GARNL3: variants seen among roughly 807,000 people sequenced by gnomAD.
GARNL3 encodes GTPase-activating Rap/Ran-GAP domain-like protein 3.
A neutral mutation model predicts 125.0 loss-of-function variants in GARNL3; 63 were observed. The observed-to-expected ratio is 0.50, with a 90% CI of 0.41 to 0.62. The LOEUF (loss-of-function observed/expected upper bound fraction) is 0.62. Ranked by LOEUF, GARNL3 falls within the 20% of genes least tolerant of loss-of-function variation. The pLI is 0.00. For synonymous variants in GARNL3, 439 were observed against 457.5 expected, an observed-to-expected ratio of 0.96 and a Z score of 0.52; for missense variants, 994 against 1,244.0, an observed-to-expected ratio of 0.80 and a Z score of 3.02.
rs535502413 is a variant in GARNL3, at chr9:127,364,784, A to G, written c.2095-516A>G. 3 of 153,578 alleles carry G rather than the reference A, an allele frequency of 2.0e-5. No homozygotes were observed. Among genetic ancestry groups the G allele is most frequent in the African/African-American group, 7.2e-5 (3 of 41,594 alleles). The allele number at this position is 153,578 out of a possible 1,614,324, so 9.5% of individuals were successfully genotyped here. On this transcript the variant is annotated intron_variant, in intron 21 of 27. Transcript: ENST00000373387. This position sits in a 1 kb window ranked among gnomAD's most constrained non-coding sequence, Gnocchi z 4.2. ...AAGGATGCCTCGCTGGAGGTACGAG[A>G]GCGGTAAGGTTGAAAGAGAACCAGA...
intron 7 of GARNL3, among the ~76,000 whole-genome samples, chr9:127,331,097 T>C (rs1298860802): frequency 6.6e-6 from 1 of 151,990 alleles, no homozygotes; most frequent in African/African-American, 2.4e-5. Context: ...ACCAACCTTG[T>C]AGAGGTCGAT....
At chr9:127,325,306 C>G (rs1358258486) in intron 7 of GARNL3, among the ~76,000 whole-genome samples, 2 of 152,118 alleles carry the variant, frequency 1.3e-5, no homozygotes, top group Non-Finnish European at 2.9e-5. Flanking sequence ...GCTATGAAAA[C>G]AATCAAACTA....
intron 24 of GARNL3, 191 bp from the exon 25 acceptor site, chr9:127,387,002 G>T: frequency 2.0e-6 from 1 of 507,506 alleles, no homozygotes. Flanking sequence ...GAATACTCAG[G>T]AAAAGTGTAA....
chr9:127,257,645 G>T (rs1385159788), intron 2 of GARNL3, among the ~76,000 whole-genome samples: 1 of 152,184 alleles, frequency 6.6e-6, no homozygotes, highest in Non-Finnish European at 1.5e-5. Context: ...GAAAAGAGAA[G>T]TAGAATGAGA....
At chr9:127,283,964 A>G (rs868686841) in intron 1 of GARNL3, among the ~76,000 whole-genome samples, 1 of 152,248 alleles carries the variant, frequency 6.6e-6, no homozygotes, top group African/African-American at 2.4e-5. Context: ...TTACACATAC[A>G]TGTTAATACC....
chr9:127,322,930 C>T (rs2065447046), intron 6 of GARNL3, among the ~76,000 whole-genome samples: 1 of 152,186 alleles, frequency 6.6e-6, no homozygotes, highest in African/African-American at 2.4e-5. Flanking sequence ...CTGTGTGTTT[C>T]TTCCCACTCC....
intron 5 of GARNL3, among the ~76,000 whole-genome samples, chr9:127,319,570 C>T (rs553034915): frequency 6.6e-6 from 1 of 152,222 alleles, no homozygotes; most frequent in East Asian, 1.9e-4. Context: ...AGATTGCAGA[C>T]CTTTTCCTGT....
Position 127,349,054 on chromosome 9 carries a change from C to G in GARNL3, c.1543+19C>G. ...GTGGATGGTTAGTGAGTAGCTGCTC[C>G]TACAAATGTCTTTTTCATGTAACTT... On this transcript the variant is annotated intron_variant, in intron 17 of 27. Coordinates refer to ENST00000373387, the MANE Select transcript of GARNL3 (RefSeq NM_032293.5). 2 of 1,517,216 alleles carry G rather than the reference C, an allele frequency of 1.3e-6. No homozygotes were observed. Among genetic ancestry groups the G allele is most frequent in the Non-Finnish European group, 9.2e-7 (1 of 1,091,496 alleles). 94.0% of individuals were successfully genotyped at this position (1,517,216 alleles called of 1,614,324 possible). A position where few individuals can be genotyped will look rare whatever the true frequency, so the allele number is the denominator to read the frequency against.
intron 7 of GARNL3, 102 bp downstream of exon 7, chr9:127,325,197 C>A: frequency 3.5e-6 from 4 of 1,152,334 alleles, no homozygotes; most frequent in Non-Finnish European, 5.2e-6. Flanking sequence ...AGCCAAATCT[C>A]CATGTAGATT....
intron 2 of GARNL3, among the ~76,000 whole-genome samples, chr9:127,258,174 A>G (rs1318013436): frequency 6.6e-6 from 1 of 152,090 alleles, no homozygotes; most frequent in Non-Finnish European, 1.5e-5. Flanking sequence ...AACACATGGT[A>G]TTGTACCCCC....
At chr9:127,328,932 C>T (rs1191977745) in intron 7 of GARNL3, among the ~76,000 whole-genome samples, 1 of 152,168 alleles carries the variant, frequency 6.6e-6, no homozygotes, top group Non-Finnish European at 1.5e-5. Flanking sequence ...AGACTTACAT[C>T]CTGAGAAAAC....
intron 4 of GARNL3, among the ~76,000 whole-genome samples, chr9:127,313,984 G>C (rs557836543): frequency 3.3e-5 from 5 of 152,150 alleles, no homozygotes; most frequent in South Asian, 2.1e-4. Flanking sequence ...TGGGCCCTCT[G>C]TCTGACTTCC....
At chr9:127,277,270 G>T (rs1039400430) in intron 1 of GARNL3, among the ~76,000 whole-genome samples, 5 of 151,990 alleles carry the variant, frequency 3.3e-5, no homozygotes, top group Admixed American at 3.3e-4. Flanking sequence ...AAAAGAACAG[G>T]ATGTTTGCTT....
At chr9:127,387,087 C>T (rs1832578951) in intron 24 of GARNL3, 106 bp from the exon 25 acceptor site, 3 of 1,242,642 alleles carry the variant, frequency 2.4e-6, no homozygotes, top group African/African-American at 3.0e-5. Context: ...ACTGTATGCT[C>T]CAAGGATGGG....
chr9:127,231,239 T>A (rs1349986452), intron 1 of GARNL3, among the ~76,000 whole-genome samples: 5 of 138,078 alleles, frequency 3.6e-5, no homozygotes, highest in African/African-American at 1.4e-4. Flanking sequence ...TTTTTTTTTT[T>A]TTTTTTGTAT....
intron 4 of GARNL3, 48 bp from the exon 5 acceptor site, chr9:127,318,015 A>G (rs755478636): frequency 7.2e-6 from 8 of 1,114,674 alleles, no homozygotes; most frequent in Non-Finnish European, 1.1e-5. Context: ...TCTTTTGGAG[A>G]AGGAAGTTGT....
chr9:127,333,501 G>A (rs1198672922), intron 9 of GARNL3, among the ~76,000 whole-genome samples: 2 of 152,148 alleles, frequency 1.3e-5, no homozygotes, highest in Non-Finnish European at 2.9e-5. Context: ...TCATCAAATG[G>A]TTTAGCACTA....
intron 13 of GARNL3, among the ~76,000 whole-genome samples, 164 bp downstream of exon 13, chr9:127,339,915 G>A (rs1588888403): frequency 3.3e-5 from 5 of 152,114 alleles, no homozygotes; most frequent in Admixed American, 2.6e-4. Context: ...TGTTGTGCAC[G>A]TTTTCTCCTA....
chr9:127,230,388 G>GGTGGCTCAT (rs2131128970), intron 1 of GARNL3, among the ~76,000 whole-genome samples: 1 of 152,294 alleles, frequency 6.6e-6, no homozygotes, highest in East Asian at 1.9e-4. Flanking sequence ...AGCCGGGCAT[G>GGTGGCTCAT]GTGGCTCATG....
Sources: gnomAD v4.1 joint callset for allele counts (sites outside exome capture counted in the v4.1 genomes callset) on GRCh38, gnomAD v4.1.1 for gene constraint, Gnocchi (gnomAD v3.1) non-coding constraint, MANE v1.5 for transcripts, NCBI Gene and HGNC (gene_info 2026-07-23, HGNC 2026-07-21) for gene names.